The following TBCK variants were observed in gnomAD, a reference collection of about 807,000 sequenced individuals.
TBCK encodes TBC domain-containing protein kinase-like protein.
A neutral mutation model predicts 113.4 loss-of-function variants in TBCK; 99 were observed. That is an observed-to-expected ratio of 0.87 (90% CI 0.74 to 1.03). The LOEUF is 1.03. Among genes scored for constraint, TBCK ranks in the 50% least tolerant of loss-of-function variants. The probability of loss-of-function intolerance (pLI) is 0.00; values close to 1 mark genes in which losing one functional copy is unlikely to be tolerated. For missense variants in TBCK, 1,045 were observed against 1,061.3 expected, an observed-to-expected ratio of 0.98 and a Z score of 0.21; for synonymous variants, 369 against 370.8, an observed-to-expected ratio of 1.00 and a Z score of 0.05.
intron 24 of TBCK, among the ~76,000 whole-genome samples, chr4:106,110,281 A>G (rs1183906200): frequency 2.0e-5 from 3 of 152,222 alleles, no homozygotes; most frequent in African/African-American, 7.2e-5. Context: ...TCATTCAGCC[A>G]GGGTCTATGG....
At chr4:106,225,538 C>A (rs1242959140) in intron 19 of TBCK, among the ~76,000 whole-genome samples, 2 of 152,180 alleles carry the variant, frequency 1.3e-5, no homozygotes, top group Non-Finnish European at 2.9e-5. Flanking sequence ...CGGTTCACTG[C>A]AAGCTCTACC....
chr4:106,240,440 T>C (rs913594828), intron 12 of TBCK, among the ~76,000 whole-genome samples: 2 of 151,950 alleles, frequency 1.3e-5, no homozygotes, highest in Non-Finnish European at 2.9e-5. Flanking sequence ...AGGGAATCTA[T>C]AGACATATTA....
intron 25 of TBCK, among the ~76,000 whole-genome samples, chr4:106,057,841 T>C (rs1476708968): frequency 1.3e-5 from 2 of 151,784 alleles, no homozygotes; most frequent in Non-Finnish European, 2.9e-5. Context: ...TTTGTATACA[T>C]GTCTAAGCTT....
intron 5 of TBCK, among the ~76,000 whole-genome samples, chr4:106,254,041 T>C (rs1761714900): frequency 6.6e-6 from 1 of 152,204 alleles, no homozygotes; most frequent in East Asian, 1.9e-4. Context: ...GCACCACGTA[T>C]GTGATGTATC....
At chr4:106,070,455 G>A (rs1737262110) in intron 25 of TBCK, among the ~76,000 whole-genome samples, 1 of 151,896 alleles carries the variant, frequency 6.6e-6, no homozygotes, top group South Asian at 2.1e-4. Context: ...ATTGATTTGT[G>A]TATGTTGAGC....
intron 19 of TBCK, among the ~76,000 whole-genome samples, chr4:106,217,290 C>T (rs1757067409): frequency 6.6e-6 from 1 of 152,098 alleles, no homozygotes; most frequent in African/African-American, 2.4e-5. Flanking sequence ...TGGAAGCATT[C>T]CCTTTGAAAA....
chr4:106,255,619 C>A (rs1761905604), intron 5 of TBCK, among the ~76,000 whole-genome samples: 1 of 152,182 alleles, frequency 6.6e-6, no homozygotes, highest in Admixed American at 6.5e-5. Flanking sequence ...AGTGTCACAG[C>A]CCTGGCTCAG....
intron 4 of TBCK, 29 bp downstream of exon 4, chr4:106,262,069 A>T (rs1268813463): frequency 1.2e-5 from 16 of 1,322,128 alleles, no homozygotes; most frequent in Non-Finnish European, 1.6e-5. Context: ...AATGATATAT[A>T]AATATTTATT....
intron 3 of TBCK, among the ~76,000 whole-genome samples, chr4:106,280,788 T>C (rs911325593): frequency 3.3e-5 from 5 of 152,144 alleles, no homozygotes; most frequent in African/African-American, 1.2e-4. Context: ...CATCAGCATA[T>C]GTGTCTATTT....
chr4:106,067,478 G>A (rs1023592877), intron 25 of TBCK, among the ~76,000 whole-genome samples: 1 of 152,076 alleles, frequency 6.6e-6, no homozygotes, highest in East Asian at 1.9e-4. Flanking sequence ...TCTCTTCAAA[G>A]TGTCCTTTGA....
chr4:106,241,608 A>G (rs1760149235), intron 12 of TBCK, among the ~76,000 whole-genome samples: 1 of 152,030 alleles, frequency 6.6e-6, no homozygotes, highest in African/African-American at 2.4e-5. Context: ...AAAAGTTGGT[A>G]TTATAGATCA....
At position 106,219,622 on chromosome 4, in the gene TBCK, C is replaced by T. The variant is rs1480389449; in HGVS notation, c.1775-6787G>A. On this transcript the variant is annotated intron_variant, in intron 19 of 25. Coordinates refer to ENST00000394708, the MANE Select transcript of TBCK (RefSeq NM_001163435.3). ...ATGCACTAATCTAAACAAGATAGTG[C>T]TAACAATCTACTCAAGGGCAAGTAA... Among the ~76,000 whole-genome samples the T allele has an allele frequency of 3.3e-5, 5 of 151,862 alleles. No homozygotes were observed. In the East Asian group the frequency reaches 9.7e-4, roughly 29 times the overall value.
chr4:106,074,345 C>CATAAG (rs946388249), intron 25 of TBCK, among the ~76,000 whole-genome samples: 1 of 152,096 alleles, frequency 6.6e-6, no homozygotes, highest in Non-Finnish European at 1.5e-5. Flanking sequence ...TATCATCATA[C>CATAAG]ATAAGATAAA....
In TBCK at chr4:106,051,750, G is replaced by A. The variant is rs188635145; in HGVS notation, c.2572-5070C>T. ...ATTTGAGATGAAAAACAGAATATGG[G>A]GTGATTTCTCAATCTAGAGTACAGT... On this transcript the variant is annotated intron_variant, in intron 25 of 25. Transcript: ENST00000394708. 8.8e-4 allele frequency among the ~76,000 whole-genome samples: 133 copies of A among 151,888 alleles called. 1 individual carries two copies. The highest frequency in any genetic ancestry group is 3.2e-3 in the African/African-American group (131 of 41,468).
intron 18 of TBCK, among the ~76,000 whole-genome samples, chr4:106,231,222 GA>G (rs56685939): frequency 0.15 from 21,370 of 145,536 alleles, 1,694 homozygotes; most frequent in South Asian, 0.26. Context: ...AGAAGGGCAG[GA>G]AAAAAAAAAC....
intron 2 of TBCK, among the ~76,000 whole-genome samples, chr4:106,308,496 C>T (rs893934888): frequency 2.0e-5 from 3 of 152,142 alleles, no homozygotes; most frequent in Non-Finnish European, 1.5e-5. Context: ...ACAAGCAATA[C>T]ATCGAAAGAG....
intron 12 of TBCK, among the ~76,000 whole-genome samples, chr4:106,238,353 A>G (rs1383557420): frequency 6.6e-6 from 1 of 152,102 alleles, no homozygotes; most frequent in African/African-American, 2.4e-5. Context: ...CCTACTATAT[A>G]ACATGTAAAA....
chr4:106,046,712 G>GAT (rs1734257319), intron 25 of TBCK, 32 bp from the exon 26 acceptor site: 1 of 1,206,230 alleles, frequency 8.3e-7, no homozygotes, highest in African/African-American at 1.5e-5. Flanking sequence ...ATTTTTAGAG[G>GAT]ATATACAGAA....
At chr4:106,304,621 A>G (rs1767313786) in intron 2 of TBCK, among the ~76,000 whole-genome samples, 1 of 152,202 alleles carries the variant, frequency 6.6e-6, no homozygotes, top group African/African-American at 2.4e-5. Flanking sequence ...TAATATTACT[A>G]ACCTCAAATC....
Sources: allele counts gnomAD v4.1 joint callset (sites outside exome capture counted in the v4.1 genomes callset), GRCh38; gene constraint gnomAD v4.1.1; transcripts MANE v1.5; gene names NCBI Gene and HGNC (gene_info 2026-07-23, HGNC 2026-07-21).